Variants in TNR observed in about 807,000 individuals in gnomAD.
TNR encodes the protein tenascin R.
A neutral mutation model predicts 150.4 loss-of-function variants in TNR; 45 were observed. The ratio of observed to expected loss-of-function variants is 0.30; its 90% CI spans 0.24 to 0.38. TNR has a LOEUF of 0.38. Among genes scored for constraint, TNR ranks in the 10% least tolerant of loss-of-function variants. The pLI, the probability that TNR is intolerant of heterozygous loss-of-function variation, is 1.00. For missense variants in TNR, 1,544 were observed against 1,759.1 expected (o/e 0.88, Z 2.19); for synonymous variants, 687 against 678.4 (o/e 1.01, Z -0.20).
intron 1 of TNR, among the ~76,000 whole-genome samples, chr1:175,603,634 G>A (rs1041732413): frequency 4.6e-5 from 7 of 152,236 alleles, no homozygotes; most frequent in East Asian, 1.9e-4. Context: ...CATACCCCAC[G>A]TCTTTGGGGT....
At chr1:175,375,187 T>C (rs971856375) in intron 9 of TNR, among the ~76,000 whole-genome samples, 11 of 152,052 alleles carry the variant, frequency 7.2e-5, no homozygotes, top group African/African-American at 2.7e-4. Flanking sequence ...GTTTTTTTTT[T>C]TTGTTGCTGC....
chr1:175,740,792 C>A (rs1236232271), intron 1 of TNR, among the ~76,000 whole-genome samples: 1 of 152,202 alleles, frequency 6.6e-6, no homozygotes, highest in Non-Finnish European at 1.5e-5. Context: ...CATTCAGAGC[C>A]ACAGAGGACT....
At chr1:175,567,877 T>C (rs1661704132) in intron 1 of TNR, among the ~76,000 whole-genome samples, 1 of 150,608 alleles carries the variant, frequency 6.6e-6, no homozygotes, top group African/African-American at 2.5e-5. Flanking sequence ...TCCTATAGTT[T>C]AACTTAAAAA....
At chr1:175,555,031 T>C (rs992955061) in intron 1 of TNR, among the ~76,000 whole-genome samples, 5 of 152,190 alleles carry the variant, frequency 3.3e-5, no homozygotes, top group African/African-American at 1.2e-4. Flanking sequence ...TAACTCTTTT[T>C]AGTTAAGCAA....
At chr1:175,695,576 G>T (rs1313576650) in intron 1 of TNR, among the ~76,000 whole-genome samples, 4 of 152,140 alleles carry the variant, frequency 2.6e-5, no homozygotes, top group Non-Finnish European at 5.9e-5. Flanking sequence ...CTTGCTCTCT[G>T]AGCTCCAGCC....
chr1:175,731,803 G>A (rs149139982), intron 1 of TNR, among the ~76,000 whole-genome samples: 6 of 152,092 alleles, frequency 3.9e-5, no homozygotes, highest in East Asian at 1.9e-4. Context: ...AACTGTTTCC[G>A]CTCAGCATCT....
intron 1 of TNR, among the ~76,000 whole-genome samples, chr1:175,700,235 T>A (rs896131091): frequency 2.6e-5 from 4 of 151,930 alleles, no homozygotes; most frequent in Non-Finnish European, 4.4e-5. Flanking sequence ...TCTCTTGGCC[T>A]CCCTGACACA....
chr1:175,690,134 G>T (rs553330713), intron 1 of TNR, among the ~76,000 whole-genome samples: 2 of 152,122 alleles, frequency 1.3e-5, no homozygotes, highest in Non-Finnish European at 2.9e-5. Context: ...GCTTAGATCC[G>T]GGCCAAAGCT....
intron 1 of TNR, among the ~76,000 whole-genome samples, chr1:175,691,650 G>T (rs1421119422): frequency 1.3e-5 from 2 of 152,042 alleles, no homozygotes; most frequent in Admixed American, 1.3e-4. Context: ...CCCCAAACTT[G>T]GTTTATTAAT....
At chr1:175,619,713 A>G (rs1663908023) in intron 1 of TNR, among the ~76,000 whole-genome samples, 1 of 152,058 alleles carries the variant, frequency 6.6e-6, no homozygotes, top group Non-Finnish European at 1.5e-5. Context: ...AAGACCCAAT[A>G]CTCGCCAGAG....
chr1:175,613,992 G>C (rs1359048), intron 1 of TNR, among the ~76,000 whole-genome samples: 24,329 of 152,054 alleles, frequency 0.16, 3,326 homozygotes, highest in African/African-American at 0.37. Flanking sequence ...TGTGGTCCTA[G>C]GCAAGTTACT....
chr1:175,383,503 C>A (rs1652779392), intron 8 of TNR, among the ~76,000 whole-genome samples: 1 of 152,150 alleles, frequency 6.6e-6, no homozygotes. Flanking sequence ...TGGAGATTGG[C>A]CTCTGGGTTT....
intron 7 of TNR, among the ~76,000 whole-genome samples, chr1:175,387,529 G>A (rs1448799205): frequency 6.6e-6 from 1 of 152,178 alleles, no homozygotes; most frequent in Non-Finnish European, 1.5e-5. Flanking sequence ...GCCATGCAGA[G>A]CTTCTAGAAA....
chr1:175,396,900 C>T (rs1175110472), intron 4 of TNR, 93 bp from the exon 5 acceptor site: 31 of 1,494,074 alleles, frequency 2.1e-5, no homozygotes, highest in Non-Finnish European at 2.8e-5. Flanking sequence ...ACCCCCCATG[C>T]CATGTCTATA....
rs115543484 is a variant in TNR, at chr1:175,707,185, T to C, written c.-165+36041A>G. Among the ~76,000 whole-genome samples, 1,047 of 152,346 alleles carry C rather than the reference T, an allele frequency of 6.9e-3. 13 individuals are homozygous for C. The highest frequency in any genetic ancestry group is 0.024 in the African/African-American group (993 of 41,580). ...GCCCTAGAGCACTTTAAAAGCACTATCAAAATTCCAGGTCTCAATTCCAAA... is the reference window on the plus strand; with the variant it reads ...GCCCTAGAGCACTTTAAAAGCACTACCAAAATTCCAGGTCTCAATTCCAAA... On this transcript the variant is annotated intron_variant, in intron 1 of 22. Coordinates refer to ENST00000367674, the MANE Select transcript of TNR (RefSeq NM_003285.3).
intron 1 of TNR, among the ~76,000 whole-genome samples, chr1:175,723,652 A>G (rs764858486): frequency 7.9e-5 from 12 of 152,220 alleles, no homozygotes; most frequent in Non-Finnish European, 1.5e-4. Context: ...CGAGTGGACC[A>G]CTTGAGGCCA....
chr1:175,670,926 A>C (rs909623902), intron 1 of TNR, among the ~76,000 whole-genome samples: 1 of 152,192 alleles, frequency 6.6e-6, no homozygotes, highest in African/African-American at 2.4e-5. Context: ...TCTGGGAAAG[A>C]TCACTCTGAG....
At chr1:175,629,831 G>T (rs1298560839) in intron 1 of TNR, among the ~76,000 whole-genome samples, 1 of 152,226 alleles carries the variant, frequency 6.6e-6, no homozygotes, top group Non-Finnish European at 1.5e-5. Flanking sequence ...TAAAGAGCTA[G>T]AATGGGACAG....
intron 21 of TNR, among the ~76,000 whole-genome samples, chr1:175,325,509 C>G (rs1245366252): frequency 6.6e-6 from 1 of 152,192 alleles, no homozygotes; most frequent in African/African-American, 2.4e-5. Context: ...CCAGCCATCC[C>G]ATTACTGGGT....
Sources: allele counts gnomAD v4.1 joint callset (sites outside exome capture counted in the v4.1 genomes callset), GRCh38; gene constraint gnomAD v4.1.1; transcripts MANE v1.5; gene names NCBI Gene and HGNC (gene_info 2026-07-23, HGNC 2026-07-21).